The following MEMO1 variants were observed in gnomAD, a reference collection of about 807,000 sequenced individuals.
MEMO1 encodes the protein mediator of cell motility 1, also known as protein MEMO1.
MEMO1 carries 6 observed loss-of-function variants against 45.2 expected under a neutral mutation model. That is an observed-to-expected ratio of 0.13 (90% CI 0.07 to 0.26). MEMO1 has a LOEUF of 0.26. Among genes scored for constraint, MEMO1 ranks in the 10% least tolerant of loss-of-function variants. The pLI, the probability that MEMO1 is intolerant of heterozygous loss-of-function variation, is 1.00. For synonymous variants in MEMO1, 78 were observed against 124.3 expected (o/e 0.63, Z 2.48); for missense variants, 184 against 370.5 (o/e 0.50, Z 4.13).
At chr2:31,895,968 C>T (rs971423515) in intron 6 of MEMO1, among the ~76,000 whole-genome samples, 51 of 151,566 alleles carry the variant, frequency 3.4e-4, no homozygotes, top group South Asian at 1.5e-3. Context: ...CTCAGCCTCC[C>T]GAGTAGCTGG....
At position 32,010,243 on chromosome 2, in the gene MEMO1, G is replaced by C; in HGVS notation, c.5C>G (p.Ser2Cys). Reference protein sequence around the residue: MSNRVVCREASH... With the variant: MCNRVVCREASH... ...GGCTTCTCGGCAGACCACTCGGTTG[G>C]ACATCTTGGTGCCTGTGCCGCCTAT... The change falls in exon 2 of 10, where the codon TCC becomes TGC. Residue 2 changes from serine (S) to cysteine (C), a missense_variant. Ser to Cys is a moderately radical substitution (Grantham distance 112). Transcript: ENST00000404530. 1 of 1,509,394 alleles carries C rather than the reference G, an allele frequency of 6.6e-7. No individual in the cohort carries two copies. Among genetic ancestry groups the C allele is most frequent in the East Asian group, 2.7e-5 (1 of 37,372 alleles). The allele number at this position is 1,509,394 out of a possible 1,614,324, so 93.5% of individuals were successfully genotyped here. A position where few individuals can be genotyped will look rare whatever the true frequency, so the allele number is the denominator to read the frequency against.
At chr2:31,869,357 G>A (rs879298764) in intron 9 of MEMO1, among the ~76,000 whole-genome samples, 13 of 151,968 alleles carry the variant, frequency 8.6e-5, no homozygotes, top group East Asian at 1.9e-4. Flanking sequence ...CCAGCTAACC[G>A]AAACTTCTGA....
intron 9 of MEMO1, 91 bp downstream of exon 9, chr2:31,869,757 A>C (rs1440597543): frequency 2.2e-6 from 3 of 1,387,256 alleles, no homozygotes; most frequent in African/African-American, 1.5e-5. Flanking sequence ...ATAGGTACAT[A>C]AAACCAATGA....
intron 2 of MEMO1, among the ~76,000 whole-genome samples, chr2:31,969,394 CGT>C (rs1209796429): frequency 1.4e-5 from 2 of 145,736 alleles, no homozygotes; most frequent in African/African-American, 2.5e-5. Flanking sequence ...TATATATATA[CGT>C]GTATATACAT....
chr2:31,971,139 T>C (rs1314866714), intron 2 of MEMO1, among the ~76,000 whole-genome samples: 1 of 152,392 alleles, frequency 6.6e-6, no homozygotes. Flanking sequence ...TGCATTCATA[T>C]GGATCTCTTA....
At chr2:31,934,560 A>G (rs1664684640) in intron 3 of MEMO1, among the ~76,000 whole-genome samples, 1 of 152,186 alleles carries the variant, frequency 6.6e-6, no homozygotes, top group East Asian at 1.9e-4. Context: ...TAAGGACATT[A>G]AGGAAGGGCC....
intron 7 of MEMO1, among the ~76,000 whole-genome samples, chr2:31,891,066 G>C (rs1676902404): frequency 6.6e-6 from 1 of 152,176 alleles, no homozygotes. Context: ...CTGGCAATCA[G>C]TGGGTAAGAC....
At chr2:31,987,666 G>T (rs932029708) in intron 2 of MEMO1, among the ~76,000 whole-genome samples, 4 of 152,116 alleles carry the variant, frequency 2.6e-5, no homozygotes, top group South Asian at 2.1e-4. Flanking sequence ...AAAATACAAA[G>T]ATTATAGTGG....
At chr2:31,947,048 A>C (rs1666280943) in intron 2 of MEMO1, among the ~76,000 whole-genome samples, 1 of 152,128 alleles carries the variant, frequency 6.6e-6, no homozygotes, top group Non-Finnish European at 1.5e-5. Flanking sequence ...ATACACTCTT[A>C]TGATGCTCAG....
At chr2:31,958,130 T>C (rs1448596075) in intron 2 of MEMO1, among the ~76,000 whole-genome samples, 1 of 151,992 alleles carries the variant, frequency 6.6e-6, no homozygotes, top group African/African-American at 2.4e-5. Flanking sequence ...CCCATCACAA[T>C]AAAAGACTTT....
intron 4 of MEMO1, among the ~76,000 whole-genome samples, chr2:31,929,802 A>C (rs758246575): frequency 6.6e-6 from 1 of 152,222 alleles, no homozygotes; most frequent in Non-Finnish European, 1.5e-5. Context: ...CCTTTCTCTA[A>C]GGATGTTCTT....
intron 7 of MEMO1, among the ~76,000 whole-genome samples, chr2:31,884,324 G>C (rs1407379256): frequency 6.6e-5 from 10 of 152,078 alleles, no homozygotes; most frequent in Non-Finnish European, 1.5e-4. Flanking sequence ...AAATCTTTTA[G>C]CAGTGCCTTT....
chr2:32,009,705 A>G (rs1334331036), intron 2 of MEMO1, among the ~76,000 whole-genome samples: 1 of 151,882 alleles, frequency 6.6e-6, no homozygotes, highest in Admixed American at 6.5e-5. Context: ...AAGACGGGAG[A>G]GGAAAGGAAA....
Position 31,944,053 on chromosome 2 carries a change from T to C in MEMO1, c.62-670A>G, listed in dbSNP as rs372080853. Among the ~76,000 whole-genome samples the C allele has an allele frequency of 4.6e-5, 7 of 152,324 alleles. No homozygotes were observed. In the South Asian group the frequency reaches 1.2e-3, roughly 27 times the overall value. ...AAAATCCATCATCACAGTCATTTCC[T>C]TGCTGTGGCCTCACTCCTCTGCTCC... On this transcript the variant is annotated intron_variant, in intron 2 of 9. Transcript: ENST00000404530.
At chr2:31,911,064 C>T (rs1258176039) in intron 6 of MEMO1, among the ~76,000 whole-genome samples, 4 of 150,984 alleles carry the variant, frequency 2.6e-5, no homozygotes, top group African/African-American at 9.7e-5. Flanking sequence ...AGAAGATTGG[C>T]AATGATTAGA....
chr2:31,873,443 T>A (rs1292273267), intron 8 of MEMO1, among the ~76,000 whole-genome samples: 1 of 152,166 alleles, frequency 6.6e-6, no homozygotes, highest in Non-Finnish European at 1.5e-5. Context: ...ATTTGTGATG[T>A]CAAATTCCAA....
chr2:31,963,730 AAG>A (rs1017802064), intron 2 of MEMO1, among the ~76,000 whole-genome samples: 3 of 152,220 alleles, frequency 2.0e-5, no homozygotes, highest in African/African-American at 7.2e-5. Flanking sequence ...GCACCACACC[AAG>A]AGAGTCAGGC....
chr2:31,892,259 T>C (rs1177750688), intron 6 of MEMO1, 125 bp from the exon 7 acceptor site: 18 of 797,076 alleles, frequency 2.3e-5, no homozygotes, highest in African/African-American at 3.5e-5. Context: ...GTAATTATTA[T>C]TGATGAATTC....
At chr2:31,944,104 A>G (rs969281686) in intron 2 of MEMO1, among the ~76,000 whole-genome samples, 4 of 152,126 alleles carry the variant, frequency 2.6e-5, no homozygotes, top group Non-Finnish European at 5.9e-5. Context: ...CAGTCAAAAC[A>G]TAGTTTAAAA....
Sources: allele counts gnomAD v4.1 joint callset (sites outside exome capture counted in the v4.1 genomes callset), GRCh38; gene constraint gnomAD v4.1.1; transcripts MANE v1.5; gene names NCBI Gene and HGNC (gene_info 2026-07-23, HGNC 2026-07-21).